Variants in HDAC9 observed in about 807,000 individuals in gnomAD.
HDAC9 encodes the protein histone deacetylase 9.
HDAC9 carries 41 observed loss-of-function variants against 139.4 expected under a neutral mutation model. The ratio of observed to expected loss-of-function variants is 0.29; its 90% confidence interval spans 0.23 to 0.38. HDAC9 has a LOEUF of 0.38. Ranked by LOEUF, HDAC9 falls within the 10% of genes least tolerant of loss-of-function variation. The probability of loss-of-function intolerance (pLI) is 1.00; values close to 1 mark genes in which losing one functional copy is unlikely to be tolerated. For missense variants in HDAC9, 1,147 were observed against 1,297.0 expected, an observed-to-expected ratio of 0.88 and a Z score of 1.78; for synonymous variants, 517 against 476.2, an observed-to-expected ratio of 1.09 and a Z score of -1.12.
chr7:18,913,362 G>A (rs1280893168), intron 22 of HDAC9, among the ~76,000 whole-genome samples: 1 of 152,066 alleles, frequency 6.6e-6, no homozygotes, highest in Non-Finnish European at 1.5e-5. Context: ...AATAGAATGG[G>A]AGGATGTTTG....
chr7:18,780,334 A>G (rs1791138981), intron 16 of HDAC9, among the ~76,000 whole-genome samples: 1 of 152,058 alleles, frequency 6.6e-6, no homozygotes, highest in Admixed American at 6.6e-5. Flanking sequence ...ATTTTTCTTG[A>G]GAGATCAGAT....
At chr7:18,480,700 A>T (rs1332438138) in intron 1 of HDAC9, among the ~76,000 whole-genome samples, 1 of 152,180 alleles carries the variant, frequency 6.6e-6, no homozygotes, top group East Asian at 1.9e-4. Flanking sequence ...AACAAAAATT[A>T]AATGTGATTG....
At chr7:18,419,638 G>T (rs1056430121) in intron 1 of HDAC9, among the ~76,000 whole-genome samples, 1 of 152,194 alleles carries the variant, frequency 6.6e-6, no homozygotes, top group African/African-American at 2.4e-5. Context: ...AGGGGAGAAT[G>T]ATAAATTACA....
At position 18,635,870 on chromosome 7, in the gene HDAC9, C is replaced by G. The variant is rs142407890; in HGVS notation, c.912+1128C>G. Among the ~76,000 whole-genome samples the G allele has an allele frequency of 3.1e-3, 465 of 152,186 alleles. 5 individuals carry two copies. The highest frequency in any genetic ancestry group is 6.8e-3 in the Middle Eastern group (2 of 294). Reference sequence around the variant, plus strand: ...GAGCTCACTTCACTGTCTCCTGAGGCAACCCAGTTGATTTTAAATAGTTAT... The same window carrying G: ...GAGCTCACTTCACTGTCTCCTGAGGGAACCCAGTTGATTTTAAATAGTTAT... On this transcript the variant is annotated intron_variant, in intron 8 of 25. Transcript: ENST00000686413.
At chr7:18,137,321 G>A (rs1302021511) in intron 1 of HDAC9, among the ~76,000 whole-genome samples, 2 of 148,196 alleles carry the variant, frequency 1.3e-5, no homozygotes, top group Admixed American at 1.3e-4. Context: ...AATTGCCCTG[G>A]CCAGAACTTC....
At chr7:18,475,919 T>C (rs1344733745) in intron 1 of HDAC9, among the ~76,000 whole-genome samples, 2 of 152,236 alleles carry the variant, frequency 1.3e-5, no homozygotes, top group Non-Finnish European at 2.9e-5. Flanking sequence ...TAAAATGGCA[T>C]AGTTAGGTAT....
At chr7:18,253,852 C>A (rs1795075697) in intron 2 of HDAC9, among the ~76,000 whole-genome samples, 1 of 152,152 alleles carries the variant, frequency 6.6e-6, no homozygotes, top group South Asian at 2.1e-4. Flanking sequence ...TTGAAGGGTT[C>A]ATTTTTCATC....
intron 16 of HDAC9, among the ~76,000 whole-genome samples, chr7:18,784,436 A>T (rs992915941): frequency 1.3e-5 from 2 of 151,840 alleles, no homozygotes; most frequent in African/African-American, 4.8e-5. Flanking sequence ...TTCAAATCCG[A>T]GGAGGCATTT....
intron 2 of HDAC9, among the ~76,000 whole-genome samples, chr7:18,551,031 A>G (rs775575591): frequency 3.9e-5 from 6 of 152,298 alleles, no homozygotes; most frequent in Admixed American, 1.3e-4. Context: ...CAACAACCAC[A>G]TACATCAAAA....
At position 18,996,200 on chromosome 7, in the gene HDAC9, G is replaced by A; in HGVS notation, c.*138G>A. 1 of 576,212 alleles carries A rather than the reference G, an allele frequency of 1.7e-6. No homozygotes were observed. The highest frequency in any genetic ancestry group is 3.0e-5 in the East Asian group (1 of 32,932). The allele number at this position is 576,212 out of a possible 1,614,324, so 35.7% of individuals were successfully genotyped here. On this transcript the variant is annotated 3_prime_UTR_variant, in exon 26 of 26. Transcript: ENST00000686413. The stretch of plus-strand genomic sequence containing the variant: ...ACATAAACACTGGGCACAAAATTCT[G>A]AACAGCAGCTTCACTTGTTCTTTGG...
intron 2 of HDAC9, among the ~76,000 whole-genome samples, chr7:18,566,992 G>C (rs1410100922): frequency 6.6e-6 from 1 of 152,172 alleles, no homozygotes; most frequent in East Asian, 1.9e-4. Flanking sequence ...GGTCAAGTGT[G>C]TCGCAAGGCC....
intron 1 of HDAC9, chr7:18,428,994 CA>C (rs1174921370): frequency 6.6e-6 from 1 of 152,246 alleles, no homozygotes; most frequent in Admixed American, 6.6e-5. Flanking sequence ...GTCACCTTCT[CA>C]GAGAAGTTTT....
chr7:18,436,117 C>A (rs916511988), intron 1 of HDAC9, among the ~76,000 whole-genome samples: 1 of 151,712 alleles, frequency 6.6e-6, no homozygotes, highest in Non-Finnish European at 1.5e-5. Context: ...TGCACTTGGC[C>A]GATTTTCCAA....
intron 1 of HDAC9, chr7:18,290,524 CTTT>C (rs929672317): frequency 2.4e-5 from 11 of 456,396 alleles, no homozygotes; most frequent in African/African-American, 1.6e-4. Flanking sequence ...GGGTAAGTTT[CTTT>C]ATTTTAATCT....
chr7:18,964,852 G>A (rs888051291), intron 24 of HDAC9, among the ~76,000 whole-genome samples: 1 of 152,178 alleles, frequency 6.6e-6, no homozygotes, highest in African/African-American at 2.4e-5. Flanking sequence ...CCTTCAACCT[G>A]TGGGGATTAT....
At chr7:18,206,385 A>T (rs1167549363) in intron 2 of HDAC9, among the ~76,000 whole-genome samples, 1 of 152,198 alleles carries the variant, frequency 6.6e-6, no homozygotes, top group East Asian at 1.9e-4. Context: ...CCAGTTTCTA[A>T]ACTGTATATT....
chr7:18,454,842 C>G (rs1013807545), intron 1 of HDAC9, among the ~76,000 whole-genome samples: 6 of 151,882 alleles, frequency 4.0e-5, no homozygotes, highest in Admixed American at 3.9e-4. Flanking sequence ...TTTTCTATAG[C>G]TTTGTAAAGG....
chr7:18,696,381 TA>T (rs1562859852), intron 12 of HDAC9, among the ~76,000 whole-genome samples: 1 of 148,386 alleles, frequency 6.7e-6, no homozygotes, highest in Non-Finnish European at 1.5e-5. Context: ...TATAGTATAA[TA>T]ACATATTATA....
intron 1 of HDAC9, among the ~76,000 whole-genome samples, chr7:18,322,398 C>CATAT (rs1800097244): frequency 6.6e-6 from 1 of 152,044 alleles, no homozygotes. Flanking sequence ...TGTGGATTAC[C>CATAT]ATATCAGATA....
Sources: allele counts gnomAD v4.1 joint callset (sites outside exome capture counted in the v4.1 genomes callset), GRCh38; gene constraint gnomAD v4.1.1; transcripts MANE v1.5; gene names NCBI Gene and HGNC (gene_info 2026-07-23, HGNC 2026-07-21).